The following FBXO11 variants were observed in gnomAD, a reference collection of about 807,000 sequenced individuals.
FBXO11 encodes F-box only protein 11.
FBXO11 carries 13 observed loss-of-function variants against 117.0 expected under a neutral mutation model. The ratio of observed to expected loss-of-function variants is 0.11; its 90% CI spans 0.07 to 0.18. The LOEUF is 0.18. Ranked by LOEUF, FBXO11 falls within the 10% of genes least tolerant of loss-of-function variation. The pLI, the probability that FBXO11 is intolerant of heterozygous loss-of-function variation, is 1.00. For synonymous variants in FBXO11, 490 were observed against 380.5 expected (o/e 1.29, Z -3.35); for missense variants, 767 against 1,164.4 (o/e 0.66, Z 4.97).
At chr2:47,826,293 G>A (rs764811513) in intron 11 of FBXO11, among the ~76,000 whole-genome samples, 4 of 151,916 alleles carry the variant, frequency 2.6e-5, no homozygotes, top group Non-Finnish European at 5.9e-5. Context: ...TCCTAACCTC[G>A]TGATCCACCC....
At chr2:47,883,603 T>C in intron 1 of FBXO11, 3 of 317,658 alleles carry the variant, frequency 9.4e-6, no homozygotes, top group Non-Finnish European at 6.3e-6. Flanking sequence ...GGCAAGCAAC[T>C]GGAAGATGAA....
In FBXO11 at chr2:47,826,207, G is replaced by A. The variant is rs370684147; in HGVS notation, c.1399-2847C>T. 1.5e-4 allele frequency among the ~76,000 whole-genome samples: 23 copies of A among 152,038 alleles called. No individual in the cohort carries two copies. In the East Asian group the frequency reaches 2.7e-3, roughly 18 times the overall value. On this transcript the variant is annotated intron_variant, in intron 11 of 22. Transcript: ENST00000403359. ...CCGAGTAGCTGGGACTACAGGTGCC[G>A]CCACCATGCCCAGCTAATTTTTTGT...
At chr2:47,889,485 G>A (rs980196658) in intron 1 of FBXO11, among the ~76,000 whole-genome samples, 1 of 152,108 alleles carries the variant, frequency 6.6e-6, no homozygotes, top group Non-Finnish European at 1.5e-5. Context: ...CTGTAAGATG[G>A]TCCGACAACT....
At chr2:47,822,140 C>A (rs550853202) in intron 13 of FBXO11, 78 bp downstream of exon 13, 26 of 1,015,640 alleles carry the variant, frequency 2.6e-5, no homozygotes, top group Non-Finnish European at 3.7e-5. Context: ...TGGGTAGTTT[C>A]AAAATGTTCC....
Position 47,877,881 on chromosome 2 carries a change from T to C in FBXO11, c.232+27608A>G, listed in dbSNP as rs541353386. On this transcript the variant is annotated intron_variant, in intron 1 of 22. Transcript: ENST00000403359. ...TGTATTTTTAGTAGAGATGGGGTTTTACCATGTTGATCAGGCTGGTCTCAA... is the reference window on the plus strand; with the variant it reads ...TGTATTTTTAGTAGAGATGGGGTTTCACCATGTTGATCAGGCTGGTCTCAA... Among the ~76,000 whole-genome samples the C allele has an allele frequency of 5.9e-5, 9 of 152,178 alleles. No homozygotes were observed. The South Asian group carries it at 1.9e-3, about 32-fold the overall frequency.
intron 1 of FBXO11, among the ~76,000 whole-genome samples, chr2:47,877,820 G>A (rs1341655638): frequency 6.6e-6 from 1 of 152,226 alleles, no homozygotes. Flanking sequence ...AACTAGCTGG[G>A]ATTACAGGCG....
In FBXO11 at chr2:47,834,666, G is replaced by A. The variant is rs1672422537; in HGVS notation, c.847C>T (p.His283Tyr). The stretch of plus-strand genomic sequence containing the variant: ...TGAACAAAGATAAGTCCATCAAAAT[G>A]AGCCTCTTGTACCCCACCAAGGGCA... ...EDALGGVQEA[H>Y]FDGLIFVHSG... Residue 283 changes from histidine to tyrosine, a missense_variant, in exon 7 of 23, where the codon CAT becomes TAT. Around this residue, in one of 10 missense-constraint regions of FBXO11, gnomAD observed 2 missense variants for 18.1 expected, o/e 0.11. Coordinates refer to ENST00000403359, the MANE Select transcript of FBXO11 (RefSeq NM_001190274.2). 6.2e-7 allele frequency: 1 copy of A among 1,611,152 alleles called. No homozygotes were observed.
intron 11 of FBXO11, among the ~76,000 whole-genome samples, chr2:47,828,603 T>C (rs11885260): frequency 0.013 from 1,905 of 149,394 alleles, 43 homozygotes; most frequent in African/African-American, 0.043. Flanking sequence ...AGTGAGACTC[T>C]TGTCTCAAAA....
intron 20 of FBXO11, 85 bp from the exon 21 acceptor site, chr2:47,809,351 G>A: frequency 3.4e-6 from 3 of 872,398 alleles, no homozygotes; most frequent in Non-Finnish European, 5.3e-6. Flanking sequence ...TCTAACAGAA[G>A]AGCCACTATT....
intron 1 of FBXO11, among the ~76,000 whole-genome samples, chr2:47,873,243 A>G (rs1248395476): frequency 1.3e-5 from 2 of 152,192 alleles, no homozygotes; most frequent in Admixed American, 6.5e-5. Context: ...CATTTAATCA[A>G]CATTTTAGGT....
At chr2:47,827,271 T>C (rs143637721) in intron 11 of FBXO11, among the ~76,000 whole-genome samples, 69 of 152,354 alleles carry the variant, frequency 4.5e-4, no homozygotes, top group East Asian at 2.5e-3. Context: ...ATTTTTATTA[T>C]GGATTCAGTT....
At position 47,903,717 on chromosome 2, in the gene FBXO11, T is replaced by A. The variant is rs796099845; in HGVS notation, c.232+1772A>T. On this transcript the variant is annotated intron_variant, in intron 1 of 22. Transcript: ENST00000403359. ...ATTACCACATCTTGAAAAAGCTTACTGTAGCAATAGAATCCTTAATATTAA... is the reference window on the plus strand; with the variant it reads ...ATTACCACATCTTGAAAAAGCTTACAGTAGCAATAGAATCCTTAATATTAA... Among the ~76,000 whole-genome samples, 9 of 152,370 alleles carry A rather than the reference T, an allele frequency of 5.9e-5. 1 individual carries two copies. The highest frequency in any genetic ancestry group is 2.2e-4 in the African/African-American group (9 of 41,590).
intron 1 of FBXO11, 95 bp from the exon 2 acceptor site, chr2:47,839,864 G>C: frequency 1.8e-6 from 2 of 1,088,140 alleles, no homozygotes; most frequent in Non-Finnish European, 2.6e-6. Context: ...ATTCGGGAGG[G>C]AGCAGATGTA....
rs375502128 is a variant in FBXO11 at position 47,822,180 on chromosome 2, A to G, written c.1702+38T>C. 2.7e-5 allele frequency: 37 copies of G among 1,369,580 alleles called. No homozygotes were observed. The African/African-American group carries it at 4.5e-4, about 17-fold the overall frequency. 84.8% of individuals were successfully genotyped at this position (1,369,580 alleles called of 1,614,324 possible). A position where few individuals can be genotyped will look rare whatever the true frequency, so the allele number is the denominator to read the frequency against. ...TTTTGCTAATATCAAGAAGACATAC[A>G]AATCTATAAGTTTTATAGAACAAAA... On this transcript the variant is annotated intron_variant, in intron 13 of 22. Transcript: ENST00000403359.
At chr2:47,830,119 T>C (rs1012192083) in intron 11 of FBXO11, among the ~76,000 whole-genome samples, 2 of 151,702 alleles carry the variant, frequency 1.3e-5, no homozygotes, top group Non-Finnish European at 2.9e-5. Context: ...GAAAGGAACA[T>C]ATGGAACAGA....
intron 7 of FBXO11, among the ~76,000 whole-genome samples, chr2:47,833,594 T>C (rs1672338227): frequency 6.6e-6 from 1 of 152,194 alleles, no homozygotes; most frequent in Non-Finnish European, 1.5e-5. Flanking sequence ...CTATGTACTG[T>C]ATCCTCAAAA....
intron 1 of FBXO11, among the ~76,000 whole-genome samples, chr2:47,893,578 G>A (rs1677429022): frequency 6.6e-6 from 1 of 152,120 alleles, no homozygotes; most frequent in Admixed American, 6.5e-5. Context: ...TTGCAATTCA[G>A]ACTAATTTCA....
intron 1 of FBXO11, among the ~76,000 whole-genome samples, chr2:47,887,301 G>C (rs904801868): frequency 6.6e-6 from 1 of 151,400 alleles, no homozygotes; most frequent in Non-Finnish European, 1.5e-5. Flanking sequence ...AAAAAGGTGG[G>C]GGGGAGGGGG....
At chr2:47,849,720 T>G (rs1452751869) in intron 1 of FBXO11, among the ~76,000 whole-genome samples, 5 of 152,168 alleles carry the variant, frequency 3.3e-5, no homozygotes, top group Non-Finnish European at 7.4e-5. Flanking sequence ...CTGAAGAAAG[T>G]CCAAGCTAAG....
Sources: allele counts gnomAD v4.1 joint callset (sites outside exome capture counted in the v4.1 genomes callset), GRCh38; gene constraint gnomAD v4.1.1; regional missense constraint gnomAD v4.1.1; transcripts MANE v1.5; gene names NCBI Gene and HGNC (gene_info 2026-07-23, HGNC 2026-07-21).